The following CNTN5 variants were observed in gnomAD, a reference collection of about 807,000 sequenced individuals.
CNTN5 encodes contactin-5.
In CNTN5, 77 loss-of-function variants were observed where a neutral mutation model predicts 129.1. The observed-to-expected ratio is 0.60, with a 90% CI of 0.50 to 0.72. The LOEUF (loss-of-function observed/expected upper bound fraction) is 0.72, where lower values mean the gene tolerates loss of function less well. CNTN5 is among the 30% of genes least tolerant of loss of function. The pLI is 0.00. For missense variants in CNTN5, 1,478 were observed against 1,328.8 expected (o/e 1.11, Z -1.75); for synonymous variants, 509 against 465.6 (o/e 1.09, Z -1.20).
At chr11:99,458,818 A>G (rs925785120) in intron 2 of CNTN5, among the ~76,000 whole-genome samples, 1 of 152,034 alleles carries the variant, frequency 6.6e-6, no homozygotes, top group Non-Finnish European at 1.5e-5. Context: ...ATTAGGAGGA[A>G]GAGTAATTCT....
intron 13 of CNTN5, among the ~76,000 whole-genome samples, chr11:100,190,873 A>C (rs1241184241): frequency 6.6e-6 from 1 of 151,998 alleles, no homozygotes; most frequent in African/African-American, 2.4e-5. Flanking sequence ...CAAGTTTTAA[A>C]ATTAACTGTC....
intron 21 of CNTN5, among the ~76,000 whole-genome samples, chr11:100,310,191 T>C (rs1463356612): frequency 6.6e-6 from 1 of 151,918 alleles, no homozygotes; most frequent in Non-Finnish European, 1.5e-5. Context: ...ACTCTAAACC[T>C]CTGAATCGGA....
intron 21 of CNTN5, among the ~76,000 whole-genome samples, chr11:100,321,871 C>A (rs767298331): frequency 1.3e-5 from 2 of 152,142 alleles, no homozygotes; most frequent in Admixed American, 6.5e-5. Context: ...AAATATTAAA[C>A]CATCCTTACA....
At chr11:100,024,055 C>G (rs1238377723) in intron 9 of CNTN5, among the ~76,000 whole-genome samples, 2 of 152,008 alleles carry the variant, frequency 1.3e-5, no homozygotes, top group Non-Finnish European at 2.9e-5. Context: ...GCTTTTTATC[C>G]CCACCCAAAT....
chr11:99,401,108 G>A (rs1941783476), intron 2 of CNTN5, among the ~76,000 whole-genome samples: 2 of 151,928 alleles, frequency 1.3e-5, no homozygotes, highest in African/African-American at 4.8e-5. Context: ...GTCTATTTTT[G>A]CTTTGGTTGT....
At chr11:99,731,554 A>AG (rs1943535510) in intron 3 of CNTN5, among the ~76,000 whole-genome samples, 1 of 152,176 alleles carries the variant, frequency 6.6e-6, no homozygotes, top group South Asian at 2.1e-4. Context: ...TGGAGAGAGG[A>AG]GGATAGCAGT....
chr11:99,258,421 C>A (rs916613135), intron 1 of CNTN5, among the ~76,000 whole-genome samples: 2 of 152,046 alleles, frequency 1.3e-5, no homozygotes. Context: ...CCTGCACAAA[C>A]AAAACAATAT....
intron 18 of CNTN5, among the ~76,000 whole-genome samples, chr11:100,273,973 A>T (rs542037506): frequency 1.3e-5 from 2 of 152,296 alleles, no homozygotes; most frequent in South Asian, 4.1e-4. Context: ...TTCAAACTAT[A>T]CTACAGCGCT....
At chr11:100,170,997 G>A (rs1372512604) in intron 13 of CNTN5, among the ~76,000 whole-genome samples, 1 of 151,948 alleles carries the variant, frequency 6.6e-6, no homozygotes, top group African/African-American at 2.4e-5. Context: ...GGGAATTAAA[G>A]GGAGGTCAAT....
intron 1 of CNTN5, among the ~76,000 whole-genome samples, chr11:99,252,672 A>C (rs1010134377): frequency 6.6e-6 from 1 of 152,124 alleles, no homozygotes; most frequent in African/African-American, 2.4e-5. Flanking sequence ...TGTGGCTTAA[A>C]GTTTAATTCG....
chr11:99,919,022 G>T (rs966604360), intron 7 of CNTN5, among the ~76,000 whole-genome samples: 6 of 152,112 alleles, frequency 3.9e-5, no homozygotes, highest in Admixed American at 1.3e-4. Flanking sequence ...GCCAGTGGAG[G>T]CAGGACACAG....
intron 18 of CNTN5, among the ~76,000 whole-genome samples, chr11:100,297,391 C>T (rs1190013551): frequency 6.6e-6 from 1 of 151,264 alleles, no homozygotes; most frequent in African/African-American, 2.4e-5. Context: ...ATTTAGAAAT[C>T]ACTACCACAG....
At chr11:99,151,564 C>T (rs1432696726) in intron 1 of CNTN5, among the ~76,000 whole-genome samples, 1 of 151,704 alleles carries the variant, frequency 6.6e-6, no homozygotes, top group African/African-American at 2.4e-5. Flanking sequence ...GCAGAAATGA[C>T]TATAAAAGGA....
At chr11:99,033,213 C>T (rs887795887) in intron 1 of CNTN5, among the ~76,000 whole-genome samples, 1 of 151,352 alleles carries the variant, frequency 6.6e-6, no homozygotes, top group African/African-American at 2.4e-5. Context: ...ATGCCTCCAG[C>T]TTTGTTCTTT....
chr11:99,913,380 T>C (rs1326797327), intron 6 of CNTN5, among the ~76,000 whole-genome samples: 1 of 151,914 alleles, frequency 6.6e-6, no homozygotes. Context: ...TAGGAAAGAG[T>C]TAAGTGAGAA....
At chr11:99,465,282 A>G (rs530742282) in intron 2 of CNTN5, among the ~76,000 whole-genome samples, 1 of 152,158 alleles carries the variant, frequency 6.6e-6, no homozygotes, top group Non-Finnish European at 1.5e-5. Context: ...CGTTGCTCCA[A>G]CACTGTGGTC....
chr11:99,254,669 AT>A (rs1358258437), intron 1 of CNTN5, among the ~76,000 whole-genome samples: 1 of 151,982 alleles, frequency 6.6e-6, no homozygotes, highest in African/African-American at 2.4e-5. Context: ...GATAACAAAA[AT>A]ATCTCAGTCA....
chr11:99,645,026 G>A (rs1951901731), intron 3 of CNTN5, among the ~76,000 whole-genome samples: 1 of 151,444 alleles, frequency 6.6e-6, no homozygotes, highest in African/African-American at 2.4e-5. Flanking sequence ...CAGCACTTTG[G>A]GAGGCTGAGG....
chr11:99,395,945 G>A lies in CNTN5; in HGVS notation c.-71+70461G>A, dbSNP rs191254283. On this transcript the variant is annotated intron_variant, in intron 2 of 24. Transcript: ENST00000524871. ...GTACCATGCTGTTTTGGTTAATGTA[G>A]GCCTGCAGTATAGTTTGAAGTCAGG... Among the ~76,000 whole-genome samples the A allele has an allele frequency of 4.6e-5, 7 of 151,994 alleles. No individual in the cohort carries two copies. The East Asian group carries it at 1.4e-3, about 29-fold the overall frequency.
Sources: gnomAD v4.1 joint callset for allele counts (sites outside exome capture counted in the v4.1 genomes callset) on GRCh38, gnomAD v4.1.1 for gene constraint, MANE v1.5 for transcripts, NCBI Gene and HGNC (gene_info 2026-07-23, HGNC 2026-07-21) for gene names.